The following DMD variants were observed in gnomAD, a reference collection of about 807,000 sequenced individuals.
DMD encodes dystrophin.
In DMD, 63 loss-of-function variants were observed where a neutral mutation model predicts 330.1. That is an observed-to-expected ratio of 0.19 (90% confidence interval 0.16 to 0.24). The LOEUF (loss-of-function observed/expected upper bound fraction) is 0.24, where lower values mean the gene tolerates loss of function less well. Among genes scored for constraint, DMD ranks in the 10% least tolerant of loss-of-function variants. The pLI, the probability that DMD is intolerant of heterozygous loss-of-function variation, is 1.00. For synonymous variants in DMD, 1,223 were observed against 959.8 expected (o/e 1.27, Z -5.07); for missense variants, 3,344 against 2,684.1 (o/e 1.25, Z -5.43).
chrX:31,317,632 C>T (rs1161660667), intron 62 of DMD, among the ~76,000 whole-genome samples: 6 of 108,396 alleles, frequency 5.5e-5, no homozygotes. Flanking sequence ...CTGCCTCAGC[C>T]TCCCAAGTAG....
intron 16 of DMD, among the ~76,000 whole-genome samples, chrX:32,563,400 C>T (rs1258576195): frequency 9.3e-6 from 1 of 106,959 alleles, no homozygotes; most frequent in Non-Finnish European, 1.9e-5. Context: ...TCCAGACACA[C>T]TGAACTACAT....
chrX:31,698,513 TGAGGA>T (rs2083588278), intron 52 of DMD, among the ~76,000 whole-genome samples: 1 of 111,841 alleles, frequency 8.9e-6, no homozygotes, highest in South Asian at 3.7e-4. Flanking sequence ...TATAAGGAAC[TGAGGA>T]AAGTCCAAAT....
intron 62 of DMD, among the ~76,000 whole-genome samples, chrX:31,282,923 G>C (rs1162620127): frequency 9.0e-6 from 1 of 111,655 alleles, no homozygotes; most frequent in East Asian, 2.8e-4. Context: ...TGAAAATGAA[G>C]GCAGATACAC....
intron 38 of DMD, 79 bp downstream of exon 38, chrX:32,348,327 G>A: frequency 9.9e-7 from 1 of 1,009,082 alleles, no homozygotes; most frequent in Non-Finnish European, 1.4e-6. Flanking sequence ...TGAAAATTCA[G>A]TTGGAGACTT....
At chrX:31,569,528 T>C (rs1204869105) in intron 55 of DMD, among the ~76,000 whole-genome samples, 2 of 105,310 alleles carry the variant, frequency 1.9e-5, no homozygotes, top group Non-Finnish European at 3.9e-5. Context: ...GTATCTGTTA[T>C]AAAATTCCTA....
chrX:32,619,637 A>C (rs924073228), intron 11 of DMD, among the ~76,000 whole-genome samples: 17 of 112,117 alleles, frequency 1.5e-4, no homozygotes, highest in African/African-American at 5.2e-4. Context: ...ATTTCAAACA[A>C]TAAAATATAA....
chrX:32,800,233 T>C (rs1178443458), intron 7 of DMD, among the ~76,000 whole-genome samples: 1 of 111,884 alleles, frequency 8.9e-6, no homozygotes, highest in Non-Finnish European at 1.9e-5. Context: ...TAAATAAAAA[T>C]ATGAACATCA....
chrX:32,710,131 A>G (rs2065051776), intron 7 of DMD, among the ~76,000 whole-genome samples: 1 of 110,449 alleles, frequency 9.1e-6, no homozygotes, highest in Non-Finnish European at 1.9e-5. Flanking sequence ...AGTTTTTATC[A>G]AGTATCAATT....
At chrX:32,185,965 A>G (rs990436493) in intron 44 of DMD, among the ~76,000 whole-genome samples, 3 of 110,763 alleles carry the variant, frequency 2.7e-5, no homozygotes, top group Admixed American at 9.7e-5. Context: ...CTTAAAAATG[A>G]ATGATAAACA....
chrX:32,781,072 C>G (rs1406155065), intron 7 of DMD, among the ~76,000 whole-genome samples: 6 of 105,349 alleles, frequency 5.7e-5, no homozygotes, highest in Non-Finnish European at 1.2e-4. Context: ...GAGCCGAGAT[C>G]GCGCCACTGC....
rs772085518 is a variant in DMD, at chrX:32,839,641, C to A, written c.264+5142G>T. Among the ~76,000 whole-genome samples the A allele has an allele frequency of 4.4e-5, 5 of 112,514 alleles. No individual in the cohort carries two copies. The East Asian group carries it at 8.4e-4, about 19-fold the overall frequency. On this transcript the variant is annotated intron_variant, in intron 4 of 78. Coordinates refer to ENST00000357033, the MANE Select transcript of DMD (RefSeq NM_004006.3). ...TCCTGCTTGAGCATTTTGATTTATT[C>A]TTCCTAATAAGCAAACTAAAGTTGT...
chrX:32,267,326 C>T (rs1405685354), intron 43 of DMD, among the ~76,000 whole-genome samples: 1 of 112,157 alleles, frequency 8.9e-6, no homozygotes, highest in Non-Finnish European at 1.9e-5. Flanking sequence ...TCATATTACT[C>T]TTTATGTTAC....
rs755223592 is a variant in DMD, at chrX:31,729,656, C to G, written c.7635G>C (p.Glu2545Asp). Residue 2545 changes from glutamate to aspartate, a missense_variant, in exon 52 of 79, where the codon GAG (glutamate) becomes GAC (aspartate). Transcript: ENST00000357033. ...TTCGATCCGTAATGATTGTTCTAGC[C>G]TCTTGATTGCTGGTCTTGTTTTTCA... ...QNLKNKTSNQ[E>D]ARTIITDRIE... 4 of 1,210,848 alleles carry G rather than the reference C, an allele frequency of 3.3e-6. No homozygotes were observed. The highest frequency in any genetic ancestry group is 2.2e-6 in the Non-Finnish European group (2 of 894,752).
intron 1 of DMD, among the ~76,000 whole-genome samples, chrX:33,112,288 A>T (rs181370500): frequency 3.6e-5 from 4 of 111,542 alleles, no homozygotes; most frequent in Admixed American, 1.9e-4. Flanking sequence ...TATAAGAAAC[A>T]TAATATATAC....
At chrX:32,427,424 A>G (rs969027333) in intron 29 of DMD, among the ~76,000 whole-genome samples, 1 of 111,273 alleles carries the variant, frequency 9.0e-6, no homozygotes, top group African/African-American at 3.3e-5. Flanking sequence ...TGTAAATTTT[A>G]TTTAAAGCCA....
At chrX:32,978,814 G>C (rs1432082393) in intron 2 of DMD, among the ~76,000 whole-genome samples, 1 of 111,819 alleles carries the variant, frequency 8.9e-6, no homozygotes, top group Non-Finnish European at 1.9e-5. Context: ...TATTTCCTTT[G>C]CTTCAAAATT....
intron 7 of DMD, among the ~76,000 whole-genome samples, chrX:32,706,950 G>T (rs1427526147): frequency 1.8e-5 from 2 of 110,399 alleles, no homozygotes; most frequent in East Asian, 2.9e-4. Context: ...AAATCAGCCG[G>T]GTATGGTGGT....
intron 1 of DMD, among the ~76,000 whole-genome samples, chrX:33,163,640 C>G (rs146741873): frequency 9.9e-5 from 1 of 10,077 alleles, no homozygotes; most frequent in African/African-American, 2.4e-4. Context: ...ATCTATCTAT[C>G]TATCTATCTA....
intron 2 of DMD, among the ~76,000 whole-genome samples, chrX:32,957,620 T>G (rs2091666640): frequency 1.8e-5 from 2 of 111,734 alleles, no homozygotes; most frequent in African/African-American, 3.2e-5. Flanking sequence ...GTATTTATTC[T>G]TTCTTCTGGA....
Sources: allele counts gnomAD v4.1 joint callset (sites outside exome capture counted in the v4.1 genomes callset), GRCh38; gene constraint gnomAD v4.1.1; transcripts MANE v1.5; gene names NCBI Gene and HGNC (gene_info 2026-07-23, HGNC 2026-07-21).